The following MAGED1 variants were observed in gnomAD, a reference collection of about 807,000 sequenced individuals.
MAGED1 encodes the protein MAGE family member D1.
A neutral mutation model predicts 54.1 loss-of-function variants in MAGED1; 3 were observed. That is an observed-to-expected ratio of 0.06 (90% CI 0.03 to 0.14). The LOEUF is 0.14. Among genes scored for constraint, MAGED1 ranks in the 10% least tolerant of loss-of-function variants. MAGED1 has a pLI of 1.00. For synonymous variants in MAGED1, 217 were observed against 227.3 expected (o/e 0.95, Z 0.41); for missense variants, 485 against 623.4 (o/e 0.78, Z 2.36).
chrX:51,804,297 G>T (rs1924956934), intron 1 of MAGED1, among the ~76,000 whole-genome samples: 1 of 111,530 alleles, frequency 9.0e-6, no homozygotes, highest in Non-Finnish European at 1.9e-5. Context: ...ATAAGCAGTG[G>T]ACTCCTTCCT....
chrX:51,808,549 A>T (rs1199760994), intron 1 of MAGED1, among the ~76,000 whole-genome samples: 3 of 111,419 alleles, frequency 2.7e-5, no homozygotes, highest in Non-Finnish European at 1.9e-5. Flanking sequence ...TCTCCACAAA[A>T]AATTTAAAAA....
At chrX:51,806,912 C>T (rs1353169966) in intron 1 of MAGED1, among the ~76,000 whole-genome samples, 3 of 110,217 alleles carry the variant, frequency 2.7e-5, no homozygotes, top group Non-Finnish European at 5.7e-5. Context: ...CTCAGCCTCC[C>T]GAGTAGCTGG....
chrX:51,857,056 T>A (rs1356131317), intron 1 of MAGED1: 7 of 111,138 alleles, frequency 6.3e-5, no homozygotes, highest in Non-Finnish European at 1.3e-4. Flanking sequence ...TCAAGGGAGG[T>A]ACCTCAGAGT....
At chrX:51,883,471 T>C (rs782428630) in intron 1 of MAGED1, among the ~76,000 whole-genome samples, 77 of 112,010 alleles carry the variant, frequency 6.9e-4, no homozygotes, top group Non-Finnish European at 1.3e-3. Flanking sequence ...GGAATCTGAG[T>C]ATGGAACCTG....
At chrX:51,832,418 T>C (rs1324282215) in intron 1 of MAGED1, among the ~76,000 whole-genome samples, 2 of 111,477 alleles carry the variant, frequency 1.8e-5, no homozygotes, top group African/African-American at 3.3e-5. Context: ...ATTCATTCTA[T>C]CTAACTGTAT....
chrX:51,847,356 T>C (rs1557359353), intron 1 of MAGED1, among the ~76,000 whole-genome samples: 2 of 111,569 alleles, frequency 1.8e-5, no homozygotes, highest in African/African-American at 6.5e-5. Context: ...ATAAATGCTA[T>C]CATACTGTAC....
At chrX:51,836,098 A>G (rs782435747) in intron 1 of MAGED1, among the ~76,000 whole-genome samples, 82 of 111,629 alleles carry the variant, frequency 7.3e-4, no homozygotes, top group Non-Finnish European at 9.0e-4. Context: ...CCATGCCTCT[A>G]CTTAACTTTG....
intron 11 of MAGED1, 84 bp downstream of exon 11, chrX:51,900,380 C>A: frequency 1.3e-6 from 1 of 741,436 alleles, no homozygotes; most frequent in Non-Finnish European, 2.0e-6. Flanking sequence ...GAATGAGATC[C>A]TAGGTGTGGC....
At chrX:51,880,668 C>G (rs782178597) in intron 1 of MAGED1, among the ~76,000 whole-genome samples, 1 of 111,328 alleles carries the variant, frequency 9.0e-6, no homozygotes, top group Non-Finnish European at 1.9e-5. Context: ...CCACGGTGGT[C>G]TTATCTCAAG....
upstream of MAGED1, among the ~76,000 whole-genome samples, chrX:51,889,457 A>G (rs1557363114): frequency 9.3e-6 from 1 of 107,296 alleles, no homozygotes; most frequent in Non-Finnish European, 1.9e-5. Flanking sequence ...GTGAAACCCC[A>G]TCTCTCCTGA....
intron 1 of MAGED1, among the ~76,000 whole-genome samples, chrX:51,822,963 A>G (rs1925698263): frequency 8.9e-6 from 1 of 111,997 alleles, no homozygotes; most frequent in South Asian, 3.6e-4. Context: ...CTTTTGAATT[A>G]CTTTACAAAA....
intron 1 of MAGED1, among the ~76,000 whole-genome samples, chrX:51,807,424 A>G (rs1557355221): frequency 9.0e-6 from 1 of 111,338 alleles, no homozygotes; most frequent in Non-Finnish European, 1.9e-5. Flanking sequence ...TGAACTGAAT[A>G]TCTGAATTCT....
intron 1 of MAGED1, among the ~76,000 whole-genome samples, chrX:51,812,542 G>A (rs1425778842): frequency 8.9e-6 from 1 of 111,817 alleles, no homozygotes. Context: ...CTTCCAGTTA[G>A]CATAGTGTTT....
intron 1 of MAGED1, among the ~76,000 whole-genome samples, chrX:51,807,919 G>A (rs1925089015): frequency 9.0e-6 from 1 of 111,282 alleles, no homozygotes; most frequent in Admixed American, 9.6e-5. Flanking sequence ...ACGTTTTAGA[G>A]CTAGTCAATT....
rs529868143 is a variant in MAGED1, at chrX:51,861,361, G to T, written c.-36-32908G>T. On this transcript the variant is annotated intron_variant, in intron 1 of 12. Transcript: ENST00000375772. ...CACCACCAGACTTGAACACTTGAAG[G>T]CTAGAATGCAAATTAGCCAACTTTG... 2.7e-5 allele frequency among the ~76,000 whole-genome samples: 3 copies of T among 111,552 alleles called. No individual in the cohort carries two copies. The South Asian group carries it at 1.1e-3, about 42-fold the overall frequency.
chrX:51,890,531 G>C (rs1308127395), upstream of MAGED1, among the ~76,000 whole-genome samples: 1 of 111,376 alleles, frequency 9.0e-6, no homozygotes, highest in African/African-American at 3.3e-5. Context: ...TGAATATCTG[G>C]CCTTTGTGGC....
intron 1 of MAGED1, among the ~76,000 whole-genome samples, chrX:51,822,427 A>G (rs995941875): frequency 1.8e-5 from 2 of 109,722 alleles, no homozygotes; most frequent in African/African-American, 6.6e-5. Context: ...TTTTCTTGTC[A>G]TTCTGGTTAA....
Position 51,814,487 on chromosome X carries a change from A to G in MAGED1, c.-37+11370A>G, listed in dbSNP as rs188787538. 2.2e-3 allele frequency among the ~76,000 whole-genome samples: 242 copies of G among 112,033 alleles called. 1 individual carries two copies. Among genetic ancestry groups the G allele is most frequent in the African/African-American group, 7.3e-3 (224 of 30,808 alleles). On this transcript the variant is annotated intron_variant, in intron 1 of 12. Coordinates refer to the MAGED1 transcript ENST00000375772. ...CATTGCCTTTGGGGAGGCCCCTTACAGTGACAGTGCTGATTTGAGACTTTC... is the reference window on the plus strand; with the variant it reads ...CATTGCCTTTGGGGAGGCCCCTTACGGTGACAGTGCTGATTTGAGACTTTC...
In MAGED1 at chrX:51,873,006, G is replaced by A. The variant is rs782366262; in HGVS notation, c.-36-21263G>A. ...CTGTCTATGGAGCAGTCACTTGGCT[G>A]TACACTGTTGCTCAAATAAACTTGC... On this transcript the variant is annotated intron_variant, in intron 1 of 12. Coordinates refer to the MAGED1 transcript ENST00000375772. Among the ~76,000 whole-genome samples, 3 of 109,781 alleles carry A rather than the reference G, an allele frequency of 2.7e-5. No homozygotes were observed. The East Asian group carries it at 8.5e-4, about 31-fold the overall frequency.
Sources: gnomAD v4.1 joint callset for allele counts (sites outside exome capture counted in the v4.1 genomes callset) on GRCh38, gnomAD v4.1.1 for gene constraint, MANE v1.5 for transcripts, NCBI Gene and HGNC (gene_info 2026-07-23, HGNC 2026-07-21) for gene names.